Variants in FAM90A20 observed in about 807,000 individuals in gnomAD.
FAM90A20 encodes the protein protein FAM90A20.
the FAM90A20 span, chr8:7,295,609 A>G: frequency 1.5e-6 from 1 of 653,590 alleles, no homozygotes; most frequent in Non-Finnish European, 2.7e-6. Context: ...ACTCACTGAC[A>G]TCACTTCCTT....
At chr8:7,295,971 C>T in the FAM90A20 span, 1 of 524,812 alleles carries the variant, frequency 1.9e-6, no homozygotes, top group Admixed American at 3.2e-5. Flanking sequence ...AGCTCCGTGT[C>T]CTCCGGGGTT....
chr8:7,297,116 C>G, the FAM90A20 span: 2 of 1,506,872 alleles, frequency 1.3e-6, no homozygotes, highest in Non-Finnish European at 1.8e-6. Context: ...GCGCATGGAC[C>G]CTGTCCTCTC....
the FAM90A20 span, chr8:7,297,110 A>C: frequency 6.6e-7 from 1 of 1,506,112 alleles, no homozygotes; most frequent in Non-Finnish European, 9.0e-7. Context: ...GAGGCCGCGC[A>C]TGGACCCTGT....
At chr8:7,297,516 C>T in the FAM90A20 span, 2 of 1,513,894 alleles carry the variant, frequency 1.3e-6, no homozygotes, top group Non-Finnish European at 8.9e-7. Context: ...CCTGCCCAGG[C>T]TCCGATTCAG....
At chr8:7,296,188 CT>C in the FAM90A20 span, 5 of 650,128 alleles carry the variant, frequency 7.7e-6, 1 homozygote, top group African/African-American at 2.8e-5. Flanking sequence ...ATTTCCATTT[CT>C]GTATCACAAG....
the FAM90A20 span, chr8:7,297,198 G>T: frequency 1.3e-6 from 2 of 1,536,090 alleles, no homozygotes; most frequent in Non-Finnish European, 1.8e-6. Flanking sequence ...AGAAAAGCCA[G>T]TCTGAGCTCC....
the FAM90A20 span, chr8:7,297,351 C>T: frequency 1.4e-6 from 2 of 1,418,976 alleles, no homozygotes; most frequent in Non-Finnish European, 9.7e-7. Flanking sequence ...CGAGAAGTTC[C>T]CCAGGCTGCC....
At chr8:7,295,750 C>A in the FAM90A20 span, 1 of 1,234,180 alleles carries the variant, frequency 8.1e-7, no homozygotes, top group South Asian at 1.2e-5. Flanking sequence ...GGAAGGAAAA[C>A]CTGAAACCAT....
At chr8:7,296,381 C>A in the FAM90A20 span, 5 of 745,416 alleles carry the variant, frequency 6.7e-6, 1 homozygote, top group Non-Finnish European at 1.2e-5. Context: ...TCCACGGAAT[C>A]TTCTGATTAT....
chr8:7,296,137 T>A, the FAM90A20 span, among the ~76,000 whole-genome samples: 1 of 130,768 alleles, frequency 7.6e-6, no homozygotes, highest in Non-Finnish European at 1.5e-5. Flanking sequence ...GATGGGAAGG[T>A]TGGCACGTGA....
the FAM90A20 span, chr8:7,296,488 G>T: frequency 3.8e-5 from 25 of 662,482 alleles, 2 homozygotes; most frequent in South Asian, 2.4e-4. Context: ...AGGAAATCGG[G>T]GAACCCCTCT....
chr8:7,297,658 TAGG>T, the FAM90A20 span: 1 of 1,391,452 alleles, frequency 7.2e-7, no homozygotes, highest in Non-Finnish European at 9.8e-7. Context: ...TTGGACCAAG[TAGG>T]TCGCCCCAGA....
the FAM90A20 span, chr8:7,297,305 G>C: frequency 1.5e-6 from 2 of 1,360,308 alleles, no homozygotes; most frequent in Non-Finnish European, 2.1e-6. Flanking sequence ...TCTCCTCGTG[G>C]TGGAGCCGAC....
At chr8:7,296,485 C>T in the FAM90A20 span, 1 of 663,698 alleles carries the variant, frequency 1.5e-6, no homozygotes, top group Non-Finnish European at 2.8e-6. Context: ...GGGAGGAAAT[C>T]GGGGAACCCC....
the FAM90A20 span, chr8:7,296,521 G>C: frequency 3.2e-6 from 2 of 634,258 alleles, no homozygotes. Context: ...TGGGGTCAGG[G>C]CCTCCACGAT....
At chr8:7,297,222 G>C in the FAM90A20 span, 1 of 1,524,488 alleles carries the variant, frequency 6.6e-7, no homozygotes, top group South Asian at 1.1e-5. Flanking sequence ...TCAAGTCTTG[G>C]ACCAAAGGAA....
the FAM90A20 span, among the ~76,000 whole-genome samples, chr8:7,296,628 A>T: frequency 7.1e-4 from 95 of 134,730 alleles, 10 homozygotes; most frequent in South Asian, 2.2e-4. Context: ...TGCCAACAAC[A>T]CGTTCCTAGC....
the FAM90A20 span, among the ~76,000 whole-genome samples, chr8:7,296,627 C>T: frequency 7.4e-6 from 1 of 135,282 alleles, no homozygotes; most frequent in Non-Finnish European, 1.5e-5. Flanking sequence ...CTGCCAACAA[C>T]ACGTTCCTAG....
the FAM90A20 span, chr8:7,297,623 C>G: frequency 7.1e-7 from 1 of 1,417,194 alleles, no homozygotes; most frequent in East Asian, 2.3e-5. Flanking sequence ...GGAGAATCTC[C>G]AACCTCCACC....
Sources: gnomAD v4.1 joint callset for allele counts (sites outside exome capture counted in the v4.1 genomes callset) on GRCh38, gnomAD v4.1.1 for gene constraint, MANE v1.5 for transcripts, NCBI Gene and HGNC (gene_info 2026-07-23, HGNC 2026-07-21) for gene names.